FBXL7: variants seen among roughly 807,000 people sequenced by gnomAD.
FBXL7 encodes the protein F-box and leucine rich repeat protein 7, also known as F-box/LRR-repeat protein 7.
A neutral mutation model predicts 38.3 loss-of-function variants in FBXL7; 12 were observed. That is an observed-to-expected ratio of 0.31 (90% CI 0.20 to 0.51). The LOEUF (loss-of-function observed/expected upper bound fraction) is 0.51, where lower values mean the gene tolerates loss of function less well. Ranked by LOEUF, FBXL7 falls within the 20% of genes least tolerant of loss-of-function variation. The probability of loss-of-function intolerance (pLI) is 0.98; values close to 1 mark genes in which losing one functional copy is unlikely to be tolerated. For missense variants in FBXL7, 567 were observed against 676.4 expected, an observed-to-expected ratio of 0.84 and a Z score of 1.79; for synonymous variants, 297 against 300.9, an observed-to-expected ratio of 0.99 and a Z score of 0.13.
intron 2 of FBXL7, among the ~76,000 whole-genome samples, chr5:15,710,124 A>G (rs1277190392): frequency 6.6e-6 from 1 of 152,118 alleles, no homozygotes; most frequent in Non-Finnish European, 1.5e-5. Context: ...ATCTAGTTAA[A>G]AGTAAGTCAG....
At chr5:15,789,360 A>C (rs1418808623) in intron 2 of FBXL7, among the ~76,000 whole-genome samples, 1 of 152,218 alleles carries the variant, frequency 6.6e-6, no homozygotes, top group Non-Finnish European at 1.5e-5. Context: ...GGTCCTTCCG[A>C]ATAACAGACT....
intron 1 of FBXL7, among the ~76,000 whole-genome samples, chr5:15,508,949 G>A (rs1160035930): frequency 2.6e-5 from 4 of 152,210 alleles, no homozygotes; most frequent in Admixed American, 1.3e-4. Context: ...TGGATACCAA[G>A]TAAACTTACA....
chr5:15,809,489 A>G (rs1737799927), intron 2 of FBXL7, among the ~76,000 whole-genome samples: 1 of 152,194 alleles, frequency 6.6e-6, no homozygotes, highest in Non-Finnish European at 1.5e-5. Context: ...TAAATTTGAT[A>G]GGGGATACGT....
intron 2 of FBXL7, among the ~76,000 whole-genome samples, chr5:15,622,490 G>A (rs1342850116): frequency 6.6e-6 from 1 of 151,998 alleles, no homozygotes; most frequent in Non-Finnish European, 1.5e-5. Context: ...CTGTGTCCAA[G>A]TGTTCTCATT....
intron 1 of FBXL7, among the ~76,000 whole-genome samples, chr5:15,599,684 C>T (rs1304814014): frequency 1.3e-5 from 2 of 152,186 alleles, no homozygotes; most frequent in African/African-American, 2.4e-5. Context: ...AGGTAGCTTA[C>T]TCAGGGCTCC....
At chr5:15,678,276 C>T (rs965015978) in intron 2 of FBXL7, among the ~76,000 whole-genome samples, 38 of 152,160 alleles carry the variant, frequency 2.5e-4, no homozygotes, top group African/African-American at 8.9e-4. Context: ...TCCTCTTGAG[C>T]TGACAGGGTG....
intron 2 of FBXL7, among the ~76,000 whole-genome samples, chr5:15,622,400 T>A (rs1044385664): frequency 1.3e-5 from 2 of 152,168 alleles, no homozygotes; most frequent in African/African-American, 4.8e-5. Flanking sequence ...ACTCGTCATT[T>A]ACATTAGGTA....
chr5:15,850,446 A>C (rs1482989037), intron 2 of FBXL7, among the ~76,000 whole-genome samples: 1 of 152,228 alleles, frequency 6.6e-6, no homozygotes, highest in Non-Finnish European at 1.5e-5. Context: ...GGGTATTGCC[A>C]GGTAAATCAG....
intron 2 of FBXL7, among the ~76,000 whole-genome samples, chr5:15,869,370 G>GTC (rs1739854124): frequency 6.6e-6 from 1 of 152,146 alleles, no homozygotes; most frequent in Admixed American, 6.6e-5. Context: ...AAATGGGACA[G>GTC]TCCCCGTTAA....
At chr5:15,725,286 C>T (rs1175462619) in intron 2 of FBXL7, among the ~76,000 whole-genome samples, 8 of 152,106 alleles carry the variant, frequency 5.3e-5, no homozygotes, top group African/African-American at 1.9e-4. Flanking sequence ...GAGATTTCCA[C>T]TTTACCACTG....
At chr5:15,747,969 G>C (rs952024965) in intron 2 of FBXL7, among the ~76,000 whole-genome samples, 1 of 152,140 alleles carries the variant, frequency 6.6e-6, no homozygotes, top group Non-Finnish European at 1.5e-5. Flanking sequence ...AACATTTTCT[G>C]GCCCTTACCC....
intron 2 of FBXL7, among the ~76,000 whole-genome samples, chr5:15,721,972 C>T (rs1744206500): frequency 6.6e-6 from 1 of 152,072 alleles, no homozygotes; most frequent in South Asian, 2.1e-4. Context: ...GTAGCTGGGA[C>T]TACAGGCACC....
Position 15,535,244 on chromosome 5 carries a change from A to G in FBXL7, c.37+34531A>G, listed in dbSNP as rs79356413. ...TGAAAAAAAGCGAAATAATACAGAA[A>G]ATTGTTACAAGGAATGGGGTACTGC... is the stretch of plus-strand genomic sequence containing the variant. On this transcript the variant is annotated intron_variant, in intron 1 of 3. Transcript: ENST00000504595. Among the ~76,000 whole-genome samples, 1,351 of 152,296 alleles carry G rather than the reference A, an allele frequency of 8.9e-3. 17 individuals are homozygous for G. Among genetic ancestry groups the G allele is most frequent in the African/African-American group, 0.03 (1,252 of 41,556 alleles).
chr5:15,569,989 T>C (rs1176611388), intron 1 of FBXL7, among the ~76,000 whole-genome samples: 4 of 152,228 alleles, frequency 2.6e-5, no homozygotes, highest in Non-Finnish European at 4.4e-5. Flanking sequence ...GGATTCGGTT[T>C]GCCAGTATTT....
At chr5:15,869,990 G>T (rs568683993) in intron 2 of FBXL7, among the ~76,000 whole-genome samples, 1 of 152,096 alleles carries the variant, frequency 6.6e-6, no homozygotes, top group Non-Finnish European at 1.5e-5. Context: ...CACTCCTGTA[G>T]TATCAGCTAC....
intron 2 of FBXL7, among the ~76,000 whole-genome samples, chr5:15,914,568 A>C (rs540085714): frequency 6.6e-6 from 1 of 152,212 alleles, no homozygotes; most frequent in Non-Finnish European, 1.5e-5. Flanking sequence ...AATACTATTA[A>C]ACTAAGTGTA....
chr5:15,624,277 G>C (rs1258100896), intron 2 of FBXL7, among the ~76,000 whole-genome samples: 1 of 152,222 alleles, frequency 6.6e-6, no homozygotes, highest in Non-Finnish European at 1.5e-5. Flanking sequence ...AATGGGCCGT[G>C]TTTGGGTCCT....
intron 2 of FBXL7, among the ~76,000 whole-genome samples, chr5:15,680,844 A>T (rs987529444): frequency 1.3e-5 from 2 of 152,194 alleles, no homozygotes; most frequent in African/African-American, 4.8e-5. Context: ...TAATAATTCC[A>T]TGTGGGTTAT....
chr5:15,651,100 C>CTTTT (rs1430797556), intron 2 of FBXL7, among the ~76,000 whole-genome samples: 3 of 128,320 alleles, frequency 2.3e-5, no homozygotes, highest in African/African-American at 5.6e-5. Context: ...TTTTTTTTTT[C>CTTTT]TTTTTTTTTT....
Sources: allele counts gnomAD v4.1 joint callset (sites outside exome capture counted in the v4.1 genomes callset), GRCh38; gene constraint gnomAD v4.1.1; transcripts MANE v1.5; gene names NCBI Gene and HGNC (gene_info 2026-07-23, HGNC 2026-07-21).